The following KCNMA1 variants were observed in gnomAD, a reference collection of about 807,000 sequenced individuals.
KCNMA1 encodes Calcium-activated potassium channel subunit alpha-1.
Under a neutral mutation model 140.0 loss-of-function variants are expected in KCNMA1, and 29 were observed. That is an observed-to-expected ratio of 0.21 (90% CI 0.15 to 0.28). KCNMA1 has a LOEUF of 0.28. Among genes scored for constraint, KCNMA1 ranks in the 10% least tolerant of loss-of-function variants. The pLI is 1.00. For synonymous variants in KCNMA1, 612 were observed against 611.9 expected (o/e 1.00, Z 0.00); for missense variants, 880 against 1,602.2 (o/e 0.55, Z 7.70).
chr10:77,242,266 CT>C (rs2057461788), intron 3 of KCNMA1, among the ~76,000 whole-genome samples: 1 of 152,184 alleles, frequency 6.6e-6, no homozygotes, highest in Non-Finnish European at 1.5e-5. Flanking sequence ...ATAGAGTCCG[CT>C]TCTCTGATTA....
At chr10:77,446,198 A>T (rs144435252) in intron 1 of KCNMA1, among the ~76,000 whole-genome samples, 3 of 152,320 alleles carry the variant, frequency 2.0e-5, no homozygotes, top group Admixed American at 6.5e-5. Context: ...CCCAGGGCCT[A>T]GCTAAGGAGG....
rs1438029349 is a variant in KCNMA1 at position 77,295,673 on chromosome 10, C to A, written c.541-44417G>T. 8.1e-5 allele frequency among the ~76,000 whole-genome samples: 12 copies of A among 147,478 alleles called. No homozygotes were observed. The Admixed American group carries it at 8.1e-4, about 10-fold the overall frequency. Reference sequence around the variant, plus strand: ...GCGGGCGCCTGTAGTCCCAGCTACTCGGGAGGCTGAGGCAGGAGAATGGCG... The same window carrying A: ...GCGGGCGCCTGTAGTCCCAGCTACTAGGGAGGCTGAGGCAGGAGAATGGCG... On this transcript the variant is annotated intron_variant, in intron 2 of 27. Transcript: ENST00000286628.
chr10:77,378,500 C>G (rs2095262451), intron 2 of KCNMA1, among the ~76,000 whole-genome samples: 1 of 152,226 alleles, frequency 6.6e-6, no homozygotes, highest in South Asian at 2.1e-4. Flanking sequence ...AGTGGGATGT[C>G]TCTCTCTTGC....
At chr10:77,352,837 T>C (rs1258763738) in intron 2 of KCNMA1, among the ~76,000 whole-genome samples, 2 of 152,172 alleles carry the variant, frequency 1.3e-5, no homozygotes, top group African/African-American at 4.8e-5. Context: ...GAGGATGATA[T>C]GAAGATAGAG....
At chr10:77,132,091 A>T (rs2097874379) in intron 5 of KCNMA1, among the ~76,000 whole-genome samples, 1 of 152,200 alleles carries the variant, frequency 6.6e-6, no homozygotes, top group African/African-American at 2.4e-5. Flanking sequence ...ACCCTTAAGG[A>T]TACAACATTA....
chr10:77,272,431 G>C (rs1383370471), intron 2 of KCNMA1, among the ~76,000 whole-genome samples: 1 of 151,986 alleles, frequency 6.6e-6, no homozygotes, highest in African/African-American at 2.4e-5. Context: ...AACTATTTTT[G>C]TGTATATGTC....
chr10:77,212,017 C>T (rs2046248196), intron 3 of KCNMA1, among the ~76,000 whole-genome samples: 1 of 152,182 alleles, frequency 6.6e-6, no homozygotes, highest in South Asian at 2.1e-4. Flanking sequence ...ATTTGTTCAG[C>T]CAATGTGGAA....
intron 2 of KCNMA1, among the ~76,000 whole-genome samples, chr10:77,270,923 A>G (rs1482737165): frequency 6.6e-6 from 1 of 152,174 alleles, no homozygotes; most frequent in Non-Finnish European, 1.5e-5. Context: ...GAAACATATA[A>G]TATTAGTGTG....
intron 20 of KCNMA1, among the ~76,000 whole-genome samples, chr10:76,969,760 A>T (rs1410066222): frequency 6.6e-6 from 1 of 152,208 alleles, no homozygotes; most frequent in Non-Finnish European, 1.5e-5. Context: ...ACTGTTTTTC[A>T]TGACAGAATT....
chr10:77,512,782 G>A (rs2048849124), intron 1 of KCNMA1, among the ~76,000 whole-genome samples: 1 of 152,186 alleles, frequency 6.6e-6, no homozygotes, highest in Non-Finnish European at 1.5e-5. Context: ...AGAGAGGCCT[G>A]TGATGAAACC....
downstream of KCNMA1, among the ~76,000 whole-genome samples, chr10:76,880,658 A>G (rs565851530): frequency 2.0e-5 from 3 of 152,254 alleles, no homozygotes; most frequent in Admixed American, 1.3e-4. Flanking sequence ...CAAGTAGGAC[A>G]ATGATAATTT....
intron 16 of KCNMA1, among the ~76,000 whole-genome samples, chr10:77,022,732 C>T (rs1310328590): frequency 6.6e-6 from 1 of 152,144 alleles, no homozygotes; most frequent in African/African-American, 2.4e-5. Context: ...AGCCTCAGTT[C>T]CATAAGTTTT....
chr10:77,068,852 A>AACAC lies in KCNMA1; in HGVS notation c.1749+4241_1749+4244dup, dbSNP rs147592319. On this transcript the variant is annotated intron_variant, in intron 14 of 27. Coordinates refer to ENST00000286628, the MANE Select transcript of KCNMA1 (RefSeq NM_001161352.2). ...AATTTTAAGAGTTAATCACCCTCTAAACACACACACACACACACACACACA... is the reference window on the plus strand; with the variant it reads ...AATTTTAAGAGTTAATCACCCTCTAAACACACACACACACACACACACACACACA... Among the ~76,000 whole-genome samples, 214 of 133,816 alleles carry AACAC rather than the reference A, an allele frequency of 1.6e-3. 1 individual carries two copies. Among genetic ancestry groups the AACAC allele is most frequent in the East Asian group, 4.5e-3 (17 of 3,780 alleles). 87.8% of individuals were successfully genotyped at this position (133,816 alleles called of 152,430 possible).
At chr10:77,335,895 C>A (rs772854462) in intron 2 of KCNMA1, among the ~76,000 whole-genome samples, 1 of 152,178 alleles carries the variant, frequency 6.6e-6, no homozygotes, top group Non-Finnish European at 1.5e-5. Flanking sequence ...CTTCATATCA[C>A]CCCTTGTCCC....
chr10:77,271,488 G>A (rs978345486), intron 2 of KCNMA1, among the ~76,000 whole-genome samples: 2 of 152,182 alleles, frequency 1.3e-5, no homozygotes, highest in Non-Finnish European at 2.9e-5. Context: ...ATGTGGCCTA[G>A]AGCAGGTAAC....
At chr10:77,118,946 G>C (rs1271190856) in intron 6 of KCNMA1, among the ~76,000 whole-genome samples, 2 of 152,172 alleles carry the variant, frequency 1.3e-5, no homozygotes, top group African/African-American at 2.4e-5. Flanking sequence ...CCAGGTTGTG[G>C]GTTTGTGGCA....
At chr10:77,333,455 A>G (rs2087493594) in intron 2 of KCNMA1, among the ~76,000 whole-genome samples, 2 of 152,102 alleles carry the variant, frequency 1.3e-5, no homozygotes, top group Non-Finnish European at 1.5e-5. Context: ...AAAAGAAAAG[A>G]AAAGGAAAAA....
intron 19 of KCNMA1, among the ~76,000 whole-genome samples, chr10:76,976,432 G>C (rs1390294982): frequency 6.6e-6 from 1 of 152,112 alleles, no homozygotes; most frequent in African/African-American, 2.4e-5. Context: ...CCATAGGAGA[G>C]AGAAAAAAAA....
intron 1 of KCNMA1, among the ~76,000 whole-genome samples, chr10:77,465,898 A>T (rs1250244341): frequency 6.6e-6 from 1 of 152,146 alleles, no homozygotes; most frequent in Non-Finnish European, 1.5e-5. Context: ...GCAGTCCACA[A>T]CCTGCCTCAG....
Sources: allele counts gnomAD v4.1 joint callset (sites outside exome capture counted in the v4.1 genomes callset), GRCh38; gene constraint gnomAD v4.1.1; transcripts MANE v1.5; gene names NCBI Gene and HGNC (gene_info 2026-07-23, HGNC 2026-07-21).